BSPRY: variants seen among roughly 807,000 people sequenced by gnomAD.
BSPRY encodes B-box and SPRY domain containing.
BSPRY carries 33 observed loss-of-function variants against 38.0 expected under a neutral mutation model. That is an observed-to-expected ratio of 0.87 (90% CI 0.66 to 1.16). The LOEUF (loss-of-function observed/expected upper bound fraction) is 1.16. Ranked by LOEUF, BSPRY falls within the 50% of genes most tolerant of loss-of-function variation. The pLI, the probability that BSPRY is intolerant of heterozygous loss-of-function variation, is 0.00. For missense variants in BSPRY, 523 were observed against 533.2 expected, an observed-to-expected ratio of 0.98 and a Z score of 0.19; for synonymous variants, 224 against 228.5, an observed-to-expected ratio of 0.98 and a Z score of 0.18.
intron 1 of BSPRY, among the ~76,000 whole-genome samples, chr9:113,353,819 A>G (rs10981761): frequency 0.1 from 15,165 of 152,318 alleles, 1,033 homozygotes; most frequent in East Asian, 0.27. Context: ...AGCAACATAT[A>G]ATGATTCTAA....
intron 3 of BSPRY, among the ~76,000 whole-genome samples, 193 bp from the exon 4 acceptor site, chr9:113,362,174 GGT>G (rs10600721): frequency 0.065 from 9,195 of 140,938 alleles, 401 homozygotes; most frequent in African/African-American, 0.14. Context: ...ATGTGTTATG[GGT>G]GTGTGTGTGT....
Position 113,360,675 on chromosome 9 carries a change from C to G in BSPRY, c.469C>G (p.Leu157Val). ...RVHWAEALQK[L>V]DTIRTGLVGM... is the part of the protein sequence containing the mutation. ...GCACTGGGCCGAGGCGCTGCAGAAA[C>G]TTGACACCATCCGCACTGGCCTGGT... is the stretch of plus-strand genomic sequence containing the variant. Residue 157 changes from leucine to valine, a missense_variant, in exon 3 of 6, where the codon CTT becomes GTT. Leu to Val is a conservative substitution (Grantham distance 32, BLOSUM62 1). Coordinates refer to ENST00000374183, the MANE Select transcript of BSPRY (RefSeq NM_017688.3). 6.2e-7 allele frequency: 1 copy of G among 1,607,356 alleles called. No homozygotes were observed. The highest frequency in any genetic ancestry group is 2.2e-5 in the East Asian group (1 of 44,716).
At position 113,349,606 on chromosome 9, in the gene BSPRY, G is replaced by GCCGGGGT. The variant is rs1833934085; in HGVS notation, c.33_39dup (p.Ser14ValfsTer64). On this transcript the variant is annotated frameshift_variant, in exon 1 of 6. Transcript: ENST00000374183. LOFTEE classifies it high-confidence loss of function. The stretch of plus-strand genomic sequence containing the variant: ...TGTCCGCCGAGGGCGCGGAGCCGGG[G>GCCGGGGT]CCGGGGTCCGGGTCCGGGCCCGGGC... The GCCGGGGT allele has an allele frequency of 8.4e-7, 1 of 1,189,770 alleles. No homozygotes were observed. Among genetic ancestry groups the GCCGGGGT allele is most frequent in the Admixed American group, 4.5e-5 (1 of 22,110 alleles). The allele number at this position is 1,189,770 out of a possible 1,614,324, so 73.7% of individuals were successfully genotyped here.
In BSPRY at chr9:113,368,397, G is replaced by A. The variant is rs1283350781; in HGVS notation, c.682+14G>A. ...GGTCTCTCTCAGGTTAGGAGCAGTA[G>A]AGCCCAGGACCATTAGGACAACTGG... is the stretch of plus-strand genomic sequence containing the variant. On this transcript the variant is annotated intron_variant, in intron 5 of 5. Coordinates refer to ENST00000374183, the MANE Select transcript of BSPRY (RefSeq NM_017688.3). The A allele has an allele frequency of 6.2e-7, 1 of 1,613,896 alleles. No homozygotes were observed. The highest frequency in any genetic ancestry group is 8.5e-7 in the Non-Finnish European group (1 of 1,179,926).
In BSPRY at chr9:113,370,356, T is replaced by G; in HGVS notation, c.*214T>G. ...AACTTTTGGCTTCCCTGGGCCACATTTGAAGAAGAATTTTCTTGGGCCACA... is the reference window on the plus strand; with the variant it reads ...AACTTTTGGCTTCCCTGGGCCACATGTGAAGAAGAATTTTCTTGGGCCACA... On this transcript the variant is annotated 3_prime_UTR_variant, in exon 6 of 6. Coordinates refer to ENST00000374183, the MANE Select transcript of BSPRY (RefSeq NM_017688.3). The surrounding 1 kb of genome is among the most constrained non-coding windows in gnomAD (Gnocchi z 4.8). 1 of 443,146 alleles carries G rather than the reference T, an allele frequency of 2.3e-6. No individual in the cohort carries two copies. Among genetic ancestry groups the G allele is most frequent in the South Asian group, 8.6e-5 (1 of 11,660 alleles). 27.5% of individuals were successfully genotyped at this position (443,146 alleles called of 1,614,324 possible).
At position 113,369,899 on chromosome 9, in the gene BSPRY, C is replaced by T. The variant is rs1270896856; in HGVS notation, c.966C>T (p.Ala322=). ...SGSDCRLGHN[A]FSWVFSRYDQ... ...GTGACTGCCGTCTGGGCCACAATGC[C>T]TTCTCCTGGGTCTTCTCTCGCTATG... Residue 322 remains alanine, a synonymous_variant, in exon 6 of 6, where the codon GCC becomes GCT. Transcript: ENST00000374183. 3.7e-6 allele frequency: 6 copies of T among 1,614,252 alleles called. No individual in the cohort carries two copies. In the Admixed American group the frequency reaches 1.0e-4, roughly 27 times the overall value.
intron 3 of BSPRY, among the ~76,000 whole-genome samples, chr9:113,361,363 T>C (rs1834149811): frequency 6.6e-6 from 1 of 152,144 alleles, no homozygotes; most frequent in Non-Finnish European, 1.5e-5. Flanking sequence ...GCACTGATAA[T>C]AGTTTTCTTT....
At chr9:113,350,847 C>T (rs935536078) in intron 1 of BSPRY, among the ~76,000 whole-genome samples, 4 of 152,210 alleles carry the variant, frequency 2.6e-5, no homozygotes, top group African/African-American at 4.8e-5. Context: ...GTGTAATCAA[C>T]TTGCATAATG....
chr9:113,369,980 G>A lies in BSPRY; in HGVS notation c.1047G>A (p.Arg349=). The change falls in exon 6 of 6, where the codon CGG becomes CGA. Residue 349 remains arginine, a synonymous_variant. Coordinates refer to ENST00000374183, the MANE Select transcript of BSPRY (RefSeq NM_017688.3). ...AGCACGAGCCCCTGGGGCTGCTGCG[G>A]GGCCCAGCCCAGCTGGGTGTAGTGC... is the stretch of plus-strand genomic sequence containing the variant. ...NGQHEPLGLL[R]GPAQLGVVLD... 3 of 1,614,148 alleles carry A rather than the reference G, an allele frequency of 1.9e-6. No homozygotes were observed. Among genetic ancestry groups the A allele is most frequent in the Non-Finnish European group, 1.7e-6 (2 of 1,180,030 alleles).
intron 3 of BSPRY, 36 bp from the exon 4 acceptor site, chr9:113,362,333 T>A: frequency 6.2e-7 from 1 of 1,613,924 alleles, no homozygotes; most frequent in Non-Finnish European, 8.5e-7. Context: ...GCTGGGTATC[T>A]GGTGCCAAGC....
intron 1 of BSPRY, among the ~76,000 whole-genome samples, chr9:113,352,502 C>CACACACACACACAT: frequency 6.6e-6 from 1 of 152,172 alleles, no homozygotes; most frequent in East Asian, 1.9e-4. Flanking sequence ...CACACACACA[C>CACACACACACACAT]AGACTGGTGG....
In BSPRY at chr9:113,370,240, A is replaced by G; in HGVS notation, c.*98A>G. The G allele has an allele frequency of 2.1e-6, 3 of 1,399,750 alleles. No individual in the cohort carries two copies. Among genetic ancestry groups the G allele is most frequent in the Middle Eastern group, 2.6e-4 (1 of 3,792 alleles). The allele number at this position is 1,399,750 out of a possible 1,614,324, so 86.7% of individuals were successfully genotyped here. On this transcript the variant is annotated 3_prime_UTR_variant, in exon 6 of 6. Transcript: ENST00000374183. This position sits in a 1 kb window ranked among gnomAD's most constrained non-coding sequence, Gnocchi z 4.8. The stretch of plus-strand genomic sequence containing the variant: ...CCAAATGATGTGTGTGGTGTTTCTA[A>G]GAGAAACAGGGCCCATAACCAGTGG...
chr9:113,363,029 A>C (rs10981766), intron 4 of BSPRY, among the ~76,000 whole-genome samples: 59,279 of 152,034 alleles, frequency 0.39, 13,364 homozygotes, highest in African/African-American at 0.62. Flanking sequence ...CATTCTTCTT[A>C]TTTATTTACT....
chr9:113,352,135 CT>C (rs1489945362), intron 1 of BSPRY, among the ~76,000 whole-genome samples: 2 of 152,144 alleles, frequency 1.3e-5, no homozygotes, highest in African/African-American at 4.8e-5. Flanking sequence ...TAAAACTCCC[CT>C]GAGCTCATGG....
intron 2 of BSPRY, among the ~76,000 whole-genome samples, chr9:113,357,733 A>G (rs1367427961): frequency 1.3e-5 from 2 of 150,760 alleles, no homozygotes; most frequent in Non-Finnish European, 1.5e-5. Context: ...TTTTTAGACA[A>G]AGTCTCACTC....
intron 4 of BSPRY, among the ~76,000 whole-genome samples, chr9:113,363,067 ATTAT>A (rs1365321719): frequency 1.3e-5 from 2 of 152,184 alleles, no homozygotes; most frequent in East Asian, 3.8e-4. Flanking sequence ...ATGGGTATAA[ATTAT>A]TTATTTTTAT....
intron 1 of BSPRY, among the ~76,000 whole-genome samples, chr9:113,352,433 G>C (rs1474618826): frequency 7.9e-5 from 12 of 151,414 alleles, no homozygotes; most frequent in African/African-American, 2.9e-4. Flanking sequence ...AGATGGTCAG[G>C]GAAGACCTCT....
intron 5 of BSPRY, among the ~76,000 whole-genome samples, chr9:113,368,957 C>A (rs1245701672): frequency 6.6e-6 from 1 of 151,848 alleles, no homozygotes; most frequent in African/African-American, 2.4e-5. Flanking sequence ...TAGTCTTTCA[C>A]AATTCGTGGA....
At chr9:113,364,205 A>G (rs747705765) in intron 4 of BSPRY, among the ~76,000 whole-genome samples, 30 of 152,196 alleles carry the variant, frequency 2.0e-4, no homozygotes, top group Non-Finnish European at 3.4e-4. Flanking sequence ...CAAAAAAATC[A>G]AAACACAGAT....
Sources: gnomAD v4.1 joint callset for allele counts (sites outside exome capture counted in the v4.1 genomes callset) on GRCh38, gnomAD v4.1.1 for gene constraint, Gnocchi (gnomAD v3.1) non-coding constraint, MANE v1.5 for transcripts, NCBI Gene and HGNC (gene_info 2026-07-23, HGNC 2026-07-21) for gene names.